The following ITPR1 variants were observed in gnomAD, a reference collection of about 807,000 sequenced individuals.
ITPR1 encodes inositol 1,4,5-trisphosphate receptor type 1.
In ITPR1, 96 loss-of-function variants were observed where a neutral mutation model predicts 318.4. The ratio of observed to expected loss-of-function variants is 0.30; its 90% CI spans 0.26 to 0.36. ITPR1 has a LOEUF of 0.36. Among genes scored for constraint, ITPR1 ranks in the 10% least tolerant of loss-of-function variants. The pLI is 1.00. For synonymous variants in ITPR1, 1,312 were observed against 1,289.9 expected (o/e 1.02, Z -0.37); for missense variants, 2,440 against 3,460.2 (o/e 0.71, Z 7.40).
At chr3:4,591,248 T>C (rs916442653) in intron 4 of ITPR1, among the ~76,000 whole-genome samples, 1 of 152,220 alleles carries the variant, frequency 6.6e-6, no homozygotes, top group African/African-American at 2.4e-5. Context: ...TACTCAGTCA[T>C]GGGATTGCTG....
In ITPR1 at chr3:4,782,855, T is replaced by A. The variant is rs2125398183; in HGVS notation, c.6510+114T>A. 6 of 982,466 alleles carry A rather than the reference T, an allele frequency of 6.1e-6. No individual in the cohort carries two copies. The South Asian group carries it at 1.8e-4, about 29-fold the overall frequency. 60.9% of individuals were successfully genotyped at this position (982,466 alleles called of 1,614,324 possible). A position where few individuals can be genotyped will look rare whatever the true frequency, so the allele number is the denominator to read the frequency against. On this transcript the variant is annotated intron_variant, in intron 50 of 61. Coordinates refer to ENST00000649015, the MANE Select transcript of ITPR1 (RefSeq NM_001378452.1). ...TTTATGACTTTAACCTAGGACTGTC[T>A]GTACTCATGAGCCTGCGGCTCACAG...
At chr3:4,711,280 G>T (rs1166492372) in intron 38 of ITPR1, among the ~76,000 whole-genome samples, 3 of 151,676 alleles carry the variant, frequency 2.0e-5, no homozygotes, top group African/African-American at 7.3e-5. Context: ...CTTGGGGCTG[G>T]ACTCTGCATG....
intron 2 of ITPR1, among the ~76,000 whole-genome samples, chr3:4,513,726 A>G (rs531688901): frequency 8.5e-5 from 13 of 152,310 alleles, no homozygotes; most frequent in Non-Finnish European, 1.8e-4. Context: ...TCCGGAGTAT[A>G]AGAACATTTA....
At chr3:4,622,890 A>G (rs2092694010) in intron 4 of ITPR1, among the ~76,000 whole-genome samples, 1 of 152,238 alleles carries the variant, frequency 6.6e-6, no homozygotes, top group Non-Finnish European at 1.5e-5. Context: ...ACCCTGGGCT[A>G]CCAAAACATA....
chr3:4,630,465 A>G (rs9816056), intron 5 of ITPR1, among the ~76,000 whole-genome samples: 3,499 of 151,954 alleles, frequency 0.023, 153 homozygotes, highest in African/African-American at 0.08. Context: ...GCTCTTGTGG[A>G]CTGTCTCTGT....
intron 39 of ITPR1, among the ~76,000 whole-genome samples, 194 bp downstream of exon 39, chr3:4,712,062 G>T (rs976732812): frequency 6.6e-6 from 1 of 152,204 alleles, no homozygotes; most frequent in Admixed American, 6.5e-5. Context: ...TTTTTTAAAA[G>T]TCAAATATAC....
intron 39 of ITPR1, among the ~76,000 whole-genome samples, chr3:4,715,477 C>A (rs2041700315): frequency 6.6e-6 from 1 of 152,192 alleles, no homozygotes; most frequent in African/African-American, 2.4e-5. Flanking sequence ...TTGGTCAGTT[C>A]CCACACAGAG....
At chr3:4,614,776 G>T (rs919271161) in intron 4 of ITPR1, among the ~76,000 whole-genome samples, 1 of 152,210 alleles carries the variant, frequency 6.6e-6, no homozygotes, top group Non-Finnish European at 1.5e-5. Context: ...CATAGACAAG[G>T]CTGCTCACCC....
At chr3:4,786,388 C>A (rs55963437) in intron 51 of ITPR1, among the ~76,000 whole-genome samples, 3 of 152,168 alleles carry the variant, frequency 2.0e-5, no homozygotes, top group African/African-American at 7.2e-5. Context: ...AAAGACCACA[C>A]CCCCCAGAAC....
In ITPR1 at chr3:4,531,753, A is replaced by AC. The variant is rs1435724474; in HGVS notation, c.163+10665dup. Among the ~76,000 whole-genome samples, 3 of 151,408 alleles carry AC rather than the reference A, an allele frequency of 2.0e-5. No individual in the cohort carries two copies. In the East Asian group the frequency reaches 5.8e-4, roughly 29 times the overall value. ...CCCTATCTCTGTTGTTCCTTCCTGG[A>AC]CCCCCCAGTCTTTCTAATGCCCACT... On this transcript the variant is annotated intron_variant, in intron 4 of 61. Transcript: ENST00000649015.
intron 4 of ITPR1, among the ~76,000 whole-genome samples, chr3:4,617,820 T>A (rs1312419521): frequency 8.1e-6 from 1 of 123,738 alleles, no homozygotes; most frequent in Non-Finnish European, 1.7e-5. Context: ...CTTATTTCTA[T>A]TAAAAAATGC....
At chr3:4,767,985 G>A (rs1258655363) in intron 45 of ITPR1, among the ~76,000 whole-genome samples, 1 of 152,334 alleles carries the variant, frequency 6.6e-6, no homozygotes, top group South Asian at 2.1e-4. Context: ...AACCCAGCGT[G>A]TCTGGCCGCA....
chr3:4,655,307 C>T (rs751690257), intron 12 of ITPR1, among the ~76,000 whole-genome samples: 19 of 152,236 alleles, frequency 1.2e-4, no homozygotes, highest in South Asian at 2.1e-4. Flanking sequence ...TTTCGGTGAG[C>T]GCTGATGTCC....
intron 4 of ITPR1, among the ~76,000 whole-genome samples, chr3:4,529,258 A>G (rs760999130): frequency 1.8e-4 from 28 of 152,212 alleles, no homozygotes; most frequent in Non-Finnish European, 3.8e-4. Context: ...AACCATTTTC[A>G]CTATGTGCAT....
rs1481941350 is a variant in ITPR1 at position 4,631,993 on chromosome 3, T to TA, written c.279+4116dup. Among the ~76,000 whole-genome samples the TA allele has an allele frequency of 2.0e-5, 3 of 152,214 alleles. No homozygotes were observed. In the East Asian group the frequency reaches 5.8e-4, roughly 29 times the overall value. The stretch of plus-strand genomic sequence containing the variant: ...ACTTATGTGAATATCCAGCTGGACA[T>TA]ACAATTGTATGGGATAAATGATGGT... On this transcript the variant is annotated intron_variant, in intron 5 of 61. Transcript: ENST00000649015.
chr3:4,586,634 T>G (rs2089930650), intron 4 of ITPR1, among the ~76,000 whole-genome samples: 1 of 151,588 alleles, frequency 6.6e-6, no homozygotes, highest in Non-Finnish European at 1.5e-5. Flanking sequence ...CTCAGCTTCC[T>G]GAGTAGCTGG....
At chr3:4,707,269 C>T (rs907307065) in intron 37 of ITPR1, among the ~76,000 whole-genome samples, 1 of 152,234 alleles carries the variant, frequency 6.6e-6, no homozygotes. Flanking sequence ...CTGGGCTCCG[C>T]TAGCTATTTC....
chr3:4,792,695 C>CAGAGGG (rs1276374059), intron 52 of ITPR1, among the ~76,000 whole-genome samples: 3 of 152,112 alleles, frequency 2.0e-5, no homozygotes, highest in Non-Finnish European at 4.4e-5. Context: ...ATTGATGAGA[C>CAGAGGG]AGAGGGAGAG....
At chr3:4,676,557 T>G in intron 23 of ITPR1, 57 bp from the exon 24 acceptor site, 1 of 1,362,120 alleles carries the variant, frequency 7.3e-7, no homozygotes, top group Non-Finnish European at 1.0e-6. Context: ...CCTTGACATA[T>G]GCCTCTGAGC....
Sources: allele counts gnomAD v4.1 joint callset (sites outside exome capture counted in the v4.1 genomes callset), GRCh38; gene constraint gnomAD v4.1.1; transcripts MANE v1.5; gene names NCBI Gene and HGNC (gene_info 2026-07-23, HGNC 2026-07-21).